ARID3B: variants seen among roughly 807,000 people sequenced by gnomAD.
ARID3B encodes AT-rich interactive domain-containing protein 3B.
In ARID3B, 10 loss-of-function variants were observed where a neutral mutation model predicts 51.9. The ratio of observed to expected loss-of-function variants is 0.19; its 90% CI spans 0.12 to 0.33. The LOEUF is 0.33. ARID3B is among the 10% of genes least tolerant of loss of function. The pLI is 1.00. For synonymous variants in ARID3B, 205 were observed against 279.5 expected (o/e 0.73, Z 2.66); for missense variants, 483 against 716.3 (o/e 0.67, Z 3.72).
chr15:74,550,961 G>T lies in ARID3B; in HGVS notation c.552+6473G>T, dbSNP rs543725356. Reference sequence around the variant, plus strand: ...CTAAGTCCTTTTTGAAGCTACCGTCGTCCCTCACATGCAGGGGATTGGTTC... The same window carrying T: ...CTAAGTCCTTTTTGAAGCTACCGTCTTCCCTCACATGCAGGGGATTGGTTC... On this transcript the variant is annotated intron_variant, in intron 2 of 8. Transcript: ENST00000346246. Among the ~76,000 whole-genome samples the T allele has an allele frequency of 1.3e-4, 20 of 152,250 alleles. No homozygotes were observed. In the South Asian group the frequency reaches 4.1e-3, roughly 32 times the overall value.
intron 4 of ARID3B, among the ~76,000 whole-genome samples, chr15:74,579,830 T>C (rs895439885): frequency 3.0e-5 from 2 of 66,430 alleles, no homozygotes; most frequent in South Asian, 1.4e-3. Context: ...CCTGTTGCCG[T>C]GTGTGTGTGT....
chr15:74,558,677 T>C (rs1160102366), intron 2 of ARID3B, among the ~76,000 whole-genome samples: 1 of 152,256 alleles, frequency 6.6e-6, no homozygotes, highest in Non-Finnish European at 1.5e-5. Flanking sequence ...AGTCTATTAT[T>C]ATCTCTAATT....
At chr15:74,549,438 C>A (rs2061628169) in intron 2 of ARID3B, among the ~76,000 whole-genome samples, 1 of 77,134 alleles carries the variant, frequency 1.3e-5, no homozygotes. Flanking sequence ...TGGTGGCACA[C>A]GCCTGTAGTC....
chr15:74,566,601 T>TC (rs2061699619), intron 2 of ARID3B, among the ~76,000 whole-genome samples: 2 of 142,426 alleles, frequency 1.4e-5, no homozygotes, highest in South Asian at 4.6e-4. Context: ...AGACTCTGTC[T>TC]CAAAAAAAAA....
intron 8 of ARID3B, among the ~76,000 whole-genome samples, chr15:74,593,914 C>T (rs1272107372): frequency 2.6e-5 from 4 of 151,804 alleles, no homozygotes; most frequent in Non-Finnish European, 5.9e-5. Context: ...TGGTGGTGCA[C>T]ACCTGTGGTC....
rs377288108 is a variant in ARID3B at position 74,594,530 on chromosome 15, G to A, written c.1520-1081G>A. On this transcript the variant is annotated intron_variant, in intron 8 of 8. Coordinates refer to ENST00000346246, the MANE Select transcript of ARID3B (RefSeq NM_006465.4). ...CCCACCTGTTTTACCAAGGGCCCAA[G>A]GGCATGCGGAGTGTCAGCCAGCCTG... Among the ~76,000 whole-genome samples the A allele has an allele frequency of 4.9e-4, 74 of 152,362 alleles. 1 individual carries two copies. The highest frequency in any genetic ancestry group is 1.7e-3 in the African/African-American group (70 of 41,590).
At chr15:74,547,347 A>AT (rs905619653) in intron 2 of ARID3B, among the ~76,000 whole-genome samples, 2 of 151,760 alleles carry the variant, frequency 1.3e-5, no homozygotes, top group East Asian at 3.9e-4. Context: ...ATTTTTATTT[A>AT]TTTTTTTGTA....
chr15:74,543,058 CTTG>C (rs2061600339), intron 1 of ARID3B, among the ~76,000 whole-genome samples: 2 of 152,220 alleles, frequency 1.3e-5, no homozygotes, highest in South Asian at 2.1e-4. Context: ...GCAGCATTAA[CTTG>C]TTGTTCAGAC....
intron 4 of ARID3B, among the ~76,000 whole-genome samples, chr15:74,579,903 C>T (rs1056735872): frequency 6.6e-6 from 1 of 151,402 alleles, no homozygotes; most frequent in African/African-American, 2.4e-5. Context: ...AAAATACACA[C>T]GTTTCAGCTG....
chr15:74,564,715 C>G (rs2061691558), intron 2 of ARID3B, among the ~76,000 whole-genome samples: 1 of 152,320 alleles, frequency 6.6e-6, no homozygotes, highest in East Asian at 1.9e-4. Flanking sequence ...ATCCTCCTAT[C>G]TCAGCCTCCC....
chr15:74,585,120 C>T (rs2061775481), intron 4 of ARID3B, among the ~76,000 whole-genome samples: 1 of 152,214 alleles, frequency 6.6e-6, no homozygotes, highest in African/African-American at 2.4e-5. Flanking sequence ...CAGGCTTCCC[C>T]ATCAGGTGCT....
chr15:74,556,407 G>A (rs140753380), intron 2 of ARID3B, among the ~76,000 whole-genome samples: 46 of 152,286 alleles, frequency 3.0e-4, no homozygotes, highest in Non-Finnish European at 6.2e-4. Flanking sequence ...AAAGATGACT[G>A]ATCACAGATC....
chr15:74,579,872 TGC>T (rs1308828023), intron 4 of ARID3B, among the ~76,000 whole-genome samples: 1,192 of 118,886 alleles, frequency 0.01, 13 homozygotes, highest in African/African-American at 0.043. Flanking sequence ...TGTGTGTGTG[TGC>T]GCGCGCGCGC....
chr15:74,553,524 A>G (rs560271371), intron 2 of ARID3B, among the ~76,000 whole-genome samples: 1 of 152,290 alleles, frequency 6.6e-6, no homozygotes, highest in African/African-American at 2.4e-5. Context: ...TGCTTCTTCA[A>G]CTCATGGGTT....
chr15:74,583,803 TA>T (rs1186316266), intron 4 of ARID3B, among the ~76,000 whole-genome samples: 1 of 152,096 alleles, frequency 6.6e-6, no homozygotes, highest in Non-Finnish European at 1.5e-5. Context: ...GCTGTATGGT[TA>T]AGGTTAATGC....
intron 2 of ARID3B, among the ~76,000 whole-genome samples, chr15:74,551,239 C>T (rs2061636422): frequency 6.6e-6 from 1 of 152,124 alleles, no homozygotes; most frequent in African/African-American, 2.4e-5. Context: ...TAAATCCTAC[C>T]CACTACTCTA....
intron 8 of ARID3B, among the ~76,000 whole-genome samples, chr15:74,594,739 T>G (rs2061817929): frequency 6.6e-6 from 1 of 152,146 alleles, no homozygotes; most frequent in Admixed American, 6.5e-5. Flanking sequence ...GAGGACAGAG[T>G]GTAGAGGAGC....
At chr15:74,573,258 A>T (rs746828379) in intron 4 of ARID3B, 54 bp downstream of exon 4, 2 of 1,563,178 alleles carry the variant, frequency 1.3e-6, no homozygotes, top group Admixed American at 3.3e-5. Flanking sequence ...TAGAGTGCCT[A>T]CTGTGTGCTA....
chr15:74,558,117 G>T (rs2061666079), intron 2 of ARID3B, among the ~76,000 whole-genome samples: 1 of 150,910 alleles, frequency 6.6e-6, no homozygotes, highest in Non-Finnish European at 1.5e-5. Flanking sequence ...CACGCGCCCG[G>T]CCTTTCAACT....
Sources: allele counts gnomAD v4.1 joint callset (sites outside exome capture counted in the v4.1 genomes callset), GRCh38; gene constraint gnomAD v4.1.1; transcripts MANE v1.5; gene names NCBI Gene and HGNC (gene_info 2026-07-23, HGNC 2026-07-21).